The following SGCZ variants were observed in gnomAD, a reference collection of about 807,000 sequenced individuals.
The protein encoded by SGCZ is zeta-sarcoglycan.
A neutral mutation model predicts 41.3 loss-of-function variants in SGCZ; 40 were observed. The observed-to-expected ratio is 0.97, with a 90% confidence interval of 0.75 to 1.26. The LOEUF (loss-of-function observed/expected upper bound fraction) is 1.26, where lower values mean the gene tolerates loss of function less well. SGCZ is among the 50% of genes most tolerant of loss of function. The probability of loss-of-function intolerance (pLI) is 0.00; values close to 1 mark genes in which losing one functional copy is unlikely to be tolerated. For missense variants in SGCZ, 552 were observed against 369.8 expected, an observed-to-expected ratio of 1.49 and a Z score of -4.04; for synonymous variants, 206 against 137.5, an observed-to-expected ratio of 1.50 and a Z score of -3.49.
At chr8:14,597,893 G>A (rs530848045) in intron 1 of SGCZ, among the ~76,000 whole-genome samples, 1 of 152,258 alleles carries the variant, frequency 6.6e-6, no homozygotes, top group East Asian at 1.9e-4. Flanking sequence ...TCCCTAAAGA[G>A]TAAATATACA....
At chr8:14,139,650 A>T (rs533745772) in intron 5 of SGCZ, among the ~76,000 whole-genome samples, 40 of 152,298 alleles carry the variant, frequency 2.6e-4, no homozygotes, top group Non-Finnish European at 5.3e-4. Flanking sequence ...AAGAAGTTGA[A>T]TCCCTGAATA....
intron 6 of SGCZ, among the ~76,000 whole-genome samples, chr8:14,107,542 T>A (rs1272660871): frequency 6.6e-6 from 1 of 152,226 alleles, no homozygotes; most frequent in Non-Finnish European, 1.5e-5. Context: ...TATAGCTTTC[T>A]CAGCGCCCTA....
chr8:15,059,668 T>C (rs1424648503), intron 1 of SGCZ, among the ~76,000 whole-genome samples: 5 of 152,260 alleles, frequency 3.3e-5, no homozygotes, highest in African/African-American at 4.8e-5. Context: ...ACTTAACTTA[T>C]ATATTTGTGT....
intron 2 of SGCZ, among the ~76,000 whole-genome samples, chr8:14,462,533 T>G (rs974572156): frequency 6.6e-6 from 1 of 152,024 alleles, no homozygotes; most frequent in African/African-American, 2.4e-5. Flanking sequence ...AACATTCATC[T>G]TTCTGTACCA....
intron 6 of SGCZ, among the ~76,000 whole-genome samples, chr8:14,105,261 A>C (rs117818805): frequency 2.6e-5 from 4 of 152,220 alleles, no homozygotes; most frequent in Non-Finnish European, 4.4e-5. Context: ...TCACTCATCA[A>C]ACAGCTGCTG....
chr8:15,224,047 G>T (rs1801693598), intron 1 of SGCZ, among the ~76,000 whole-genome samples: 1 of 151,930 alleles, frequency 6.6e-6, no homozygotes, highest in Non-Finnish European at 1.5e-5. Context: ...GTAGAAACGG[G>T]GCTTCACTGT....
chr8:15,007,143 G>C (rs976508577), intron 1 of SGCZ, among the ~76,000 whole-genome samples: 5 of 152,220 alleles, frequency 3.3e-5, no homozygotes, highest in African/African-American at 9.6e-5. Context: ...CAAAGGAAGA[G>C]ATATATCCAC....
intron 1 of SGCZ, among the ~76,000 whole-genome samples, chr8:14,725,589 G>C (rs1383532135): frequency 1.3e-5 from 2 of 151,924 alleles, no homozygotes; most frequent in Non-Finnish European, 2.9e-5. Context: ...AGAAGCAAGG[G>C]GCACACAAAT....
chr8:14,922,755 A>G (rs1384565174), intron 1 of SGCZ, among the ~76,000 whole-genome samples: 1 of 152,222 alleles, frequency 6.6e-6, no homozygotes, highest in Non-Finnish European at 1.5e-5. Context: ...TACATTCAAG[A>G]TAAAATAACA....
chr8:14,696,810 A>G (rs1212045224), intron 1 of SGCZ, among the ~76,000 whole-genome samples: 13 of 151,776 alleles, frequency 8.6e-5, no homozygotes, highest in Admixed American at 6.6e-5. Flanking sequence ...ATACACCTTT[A>G]AAGTCCAGAA....
intron 3 of SGCZ, among the ~76,000 whole-genome samples, chr8:14,277,573 G>C (rs571282263): frequency 6.6e-6 from 1 of 152,260 alleles, no homozygotes; most frequent in Admixed American, 6.5e-5. Flanking sequence ...AGTCAATGAA[G>C]TAAAAGTTAT....
chr8:14,469,119 C>T (rs888705431), intron 2 of SGCZ, among the ~76,000 whole-genome samples: 1 of 152,016 alleles, frequency 6.6e-6, no homozygotes, highest in South Asian at 2.1e-4. Context: ...ACTTTTCCTA[C>T]CCCTCCACTT....
intron 2 of SGCZ, among the ~76,000 whole-genome samples, chr8:14,548,790 A>T (rs1006195009): frequency 1.3e-5 from 2 of 152,258 alleles, no homozygotes; most frequent in East Asian, 1.9e-4. Context: ...AAAAATCAGA[A>T]TATCCTGCAT....
chr8:14,404,540 G>T (rs28488812), intron 2 of SGCZ, among the ~76,000 whole-genome samples: 1 of 152,048 alleles, frequency 6.6e-6, no homozygotes, highest in Non-Finnish European at 1.5e-5. Context: ...CAGACTTCAG[G>T]TTGTCATTTC....
Position 14,190,315 on chromosome 8 carries a change from G to A in SGCZ, c.425-25613C>T, listed in dbSNP as rs116095790. On this transcript the variant is annotated intron_variant, in intron 4 of 7. Transcript: ENST00000382080. ...GCGTGAGCCACAGCACCCCGCCAGC[G>A]GAATCTACTTTTTTAAGGCTGAATA... 3.5e-3 allele frequency among the ~76,000 whole-genome samples: 528 copies of A among 151,636 alleles called. 3 individuals are homozygous for A. The highest frequency in any genetic ancestry group is 8.1e-3 in the African/African-American group (336 of 41,412).
intron 3 of SGCZ, among the ~76,000 whole-genome samples, chr8:14,311,861 T>C (rs941516284): frequency 1.3e-5 from 2 of 152,176 alleles, no homozygotes; most frequent in African/African-American, 4.8e-5. Flanking sequence ...ACTTAATATA[T>C]AAGAGGCAGT....
chr8:14,241,050 T>C (rs1279906563), intron 3 of SGCZ, among the ~76,000 whole-genome samples: 2 of 152,320 alleles, frequency 1.3e-5, no homozygotes, highest in African/African-American at 4.8e-5. Context: ...ATGTTTTCCC[T>C]AAATAAAGAA....
intron 2 of SGCZ, among the ~76,000 whole-genome samples, chr8:14,366,248 T>C (rs535187600): frequency 2.0e-4 from 31 of 152,258 alleles, no homozygotes; most frequent in African/African-American, 7.5e-4. Flanking sequence ...ATTTCTGCAT[T>C]GCTGGGAAGC....
At chr8:14,280,123 C>A in intron 3 of SGCZ, among the ~76,000 whole-genome samples, 1 of 151,864 alleles carries the variant, frequency 6.6e-6, no homozygotes, top group East Asian at 1.9e-4. Context: ...TATACTTTTA[C>A]AGTATAAGCA....
Sources: gnomAD v4.1 joint callset for allele counts (sites outside exome capture counted in the v4.1 genomes callset) on GRCh38, gnomAD v4.1.1 for gene constraint, MANE v1.5 for transcripts, NCBI Gene and HGNC (gene_info 2026-07-23, HGNC 2026-07-21) for gene names.